The following LDB2 variants were observed in gnomAD, a reference collection of about 807,000 sequenced individuals.
LDB2 encodes LIM domain-binding protein 2.
Under a neutral mutation model 44.3 loss-of-function variants are expected in LDB2, and 12 were observed. That is an observed-to-expected ratio of 0.27 (90% CI 0.17 to 0.44). LDB2 has a LOEUF of 0.44. Ranked by LOEUF, LDB2 falls within the 20% of genes least tolerant of loss-of-function variation. The pLI, the probability that LDB2 is intolerant of heterozygous loss-of-function variation, is 1.00. For missense variants in LDB2, 344 were observed against 473.5 expected, an observed-to-expected ratio of 0.73 and a Z score of 2.54; for synonymous variants, 164 against 174.8, an observed-to-expected ratio of 0.94 and a Z score of 0.49.
At chr4:16,573,700 C>T (rs753024259) in intron 5 of LDB2, among the ~76,000 whole-genome samples, 3 of 152,136 alleles carry the variant, frequency 2.0e-5, no homozygotes, top group African/African-American at 4.8e-5. Flanking sequence ...CTCCTCAGAA[C>T]GTCAGGGCTT....
chr4:16,703,034 A>G (rs1358716711), intron 2 of LDB2, among the ~76,000 whole-genome samples: 1 of 152,166 alleles, frequency 6.6e-6, no homozygotes, highest in African/African-American at 2.4e-5. Flanking sequence ...GTGTATGTCT[A>G]TACACAACCA....
intron 2 of LDB2, among the ~76,000 whole-genome samples, chr4:16,702,683 G>C (rs927799409): frequency 1.3e-5 from 2 of 152,104 alleles, no homozygotes; most frequent in Non-Finnish European, 2.9e-5. Flanking sequence ...CAAGGTCCAT[G>C]CATCCTGTTG....
chr4:16,772,366 G>A (rs1445926483), intron 1 of LDB2, among the ~76,000 whole-genome samples: 1 of 152,130 alleles, frequency 6.6e-6, no homozygotes, highest in Non-Finnish European at 1.5e-5. Context: ...AAAAATGACT[G>A]CCTGAATAAA....
chr4:16,542,105 G>GT lies in LDB2; in HGVS notation c.616-30002_616-30001insA, dbSNP rs908424708. Among the ~76,000 whole-genome samples, 12 of 146,982 alleles carry GT rather than the reference G, an allele frequency of 8.2e-5. 1 individual carries two copies. The highest frequency in any genetic ancestry group is 2.3e-4 in the South Asian group (1 of 4,280). On this transcript the variant is annotated intron_variant, in intron 5 of 7. Coordinates refer to ENST00000304523, the MANE Select transcript of LDB2 (RefSeq NM_001290.5). Reference sequence around the variant, plus strand: ...CCTTCCAATTACATCAGGTGGTGGGGGGGGGGGCGCGAGCAGGAGGGCATA... The same window carrying GT: ...CCTTCCAATTACATCAGGTGGTGGGGTGGGGGGGCGCGAGCAGGAGGGCATA...
At chr4:16,614,846 G>T (rs528110391) in intron 2 of LDB2, among the ~76,000 whole-genome samples, 1 of 150,936 alleles carries the variant, frequency 6.6e-6, no homozygotes, top group Admixed American at 6.6e-5. Context: ...CGAGGCGGGC[G>T]GATCATGAGG....
At chr4:16,611,571 C>A (rs1405163561) in intron 2 of LDB2, among the ~76,000 whole-genome samples, 1 of 149,662 alleles carries the variant, frequency 6.7e-6, no homozygotes, top group East Asian at 1.9e-4. Flanking sequence ...CAATCCTAGT[C>A]TCTCACAAAA....
chr4:16,574,927 C>T (rs543728533), intron 5 of LDB2, among the ~76,000 whole-genome samples: 8 of 152,300 alleles, frequency 5.3e-5, no homozygotes, highest in South Asian at 4.1e-4. Flanking sequence ...TTTGAACCTA[C>T]ATTTTGCTGA....
chr4:16,600,588 G>A (rs1722308868), intron 2 of LDB2, among the ~76,000 whole-genome samples: 1 of 152,124 alleles, frequency 6.6e-6, no homozygotes, highest in Non-Finnish European at 1.5e-5. Context: ...ACACTTTATA[G>A]GTAAATATGA....
At chr4:16,678,393 T>A (rs903956352) in intron 2 of LDB2, among the ~76,000 whole-genome samples, 1 of 152,222 alleles carries the variant, frequency 6.6e-6, no homozygotes, top group Non-Finnish European at 1.5e-5. Context: ...TTTGGAGTAT[T>A]CTTACTCCTA....
At chr4:16,642,482 A>G (rs988670512) in intron 2 of LDB2, among the ~76,000 whole-genome samples, 1 of 152,362 alleles carries the variant, frequency 6.6e-6, no homozygotes, top group Admixed American at 6.5e-5. Flanking sequence ...CAGAGACAAG[A>G]TGATCAAATA....
chr4:16,787,955 TG>T (rs35110230), intron 1 of LDB2, among the ~76,000 whole-genome samples: 84,156 of 152,000 alleles, frequency 0.55, 27,974 homozygotes, highest in Non-Finnish European at 0.76. Flanking sequence ...AAACCAAGTT[TG>T]GGGTACATGT....
chr4:16,512,470 CAAACAAAAA>C (rs537271164), intron 5 of LDB2, among the ~76,000 whole-genome samples: 69 of 152,036 alleles, frequency 4.5e-4, no homozygotes, highest in Admixed American at 4.1e-3. Context: ...CAAAAACAAA[CAAACAAAAA>C]AAACCCCTCT....
At chr4:16,675,757 T>G (rs1272942171) in intron 2 of LDB2, among the ~76,000 whole-genome samples, 1 of 152,238 alleles carries the variant, frequency 6.6e-6, no homozygotes, top group Non-Finnish European at 1.5e-5. Flanking sequence ...AATATTAGCT[T>G]TAATGATCTA....
intron 2 of LDB2, among the ~76,000 whole-genome samples, chr4:16,700,401 A>G (rs1029207500): frequency 3.9e-5 from 6 of 152,246 alleles, no homozygotes; most frequent in Non-Finnish European, 7.3e-5. Flanking sequence ...GTTGCTATGT[A>G]AGAAGATATT....
intron 2 of LDB2, among the ~76,000 whole-genome samples, chr4:16,646,998 A>T (rs537347917): frequency 1.3e-5 from 2 of 152,322 alleles, no homozygotes; most frequent in South Asian, 4.1e-4. Flanking sequence ...TCCATGTAAA[A>T]ACTTGTACAT....
chr4:16,698,827 T>C (rs557744164), intron 2 of LDB2, among the ~76,000 whole-genome samples: 123 of 152,344 alleles, frequency 8.1e-4, no homozygotes, highest in African/African-American at 2.9e-3. Flanking sequence ...TTTATGTATG[T>C]TTATGTAACA....
intron 2 of LDB2, among the ~76,000 whole-genome samples, chr4:16,711,388 T>C (rs1466113988): frequency 6.6e-6 from 1 of 152,188 alleles, no homozygotes; most frequent in Non-Finnish European, 1.5e-5. Context: ...ATGTGCACCA[T>C]TGGGCAACTT....
intron 2 of LDB2, among the ~76,000 whole-genome samples, chr4:16,669,728 C>T (rs574092949): frequency 1.3e-5 from 2 of 152,324 alleles, no homozygotes; most frequent in African/African-American, 4.8e-5. Context: ...GCTAGTCACA[C>T]AATTTCTAAT....
chr4:16,737,092 A>G (rs1368503969), intron 2 of LDB2, among the ~76,000 whole-genome samples: 2 of 152,218 alleles, frequency 1.3e-5, no homozygotes, highest in African/African-American at 2.4e-5. Context: ...TGCTGCTAAG[A>G]GTAAAGTGGA....
Sources: gnomAD v4.1 joint callset for allele counts (sites outside exome capture counted in the v4.1 genomes callset) on GRCh38, gnomAD v4.1.1 for gene constraint, MANE v1.5 for transcripts, NCBI Gene and HGNC (gene_info 2026-07-23, HGNC 2026-07-21) for gene names.